The following TGFB3 variants were observed in gnomAD, a reference collection of about 807,000 sequenced individuals.
The protein encoded by TGFB3 is transforming growth factor beta 3.
TGFB3 carries 5 observed loss-of-function variants against 40.1 expected under a neutral mutation model. That is an observed-to-expected ratio of 0.12 (90% CI 0.07 to 0.26). The LOEUF is 0.26. TGFB3 is among the 10% of genes least tolerant of loss of function. The pLI, the probability that TGFB3 is intolerant of heterozygous loss-of-function variation, is 1.00. For missense variants in TGFB3, 373 were observed against 530.1 expected, an observed-to-expected ratio of 0.70 and a Z score of 2.91; for synonymous variants, 184 against 205.6, an observed-to-expected ratio of 0.89 and a Z score of 0.90.
rs769887525 is a variant in TGFB3, at chr14:75,959,180, T to C, written c.*7A>G. On this transcript the variant is annotated 3_prime_UTR_variant, in exon 7 of 7. Transcript: ENST00000238682. ...CTCTCTCCCCTCTCTCTGTCGCACGTGGGGTCTCAGCTACATTTACAAGAC... is the reference window on the plus strand; with the variant it reads ...CTCTCTCCCCTCTCTCTGTCGCACGCGGGGTCTCAGCTACATTTACAAGAC... 5 of 1,614,114 alleles carry C rather than the reference T, an allele frequency of 3.1e-6. 1 individual carries two copies. The South Asian group carries it at 5.5e-5, about 18-fold the overall frequency.
intron 6 of TGFB3, 147 bp downstream of exon 6, chr14:75,960,776 G>T: frequency 9.8e-7 from 1 of 1,025,248 alleles, no homozygotes; most frequent in Non-Finnish European, 1.4e-6. Context: ...GAGTCAGGGT[G>T]CCAAGATCAG....
chr14:75,968,950 G>A (rs1436180968), intron 3 of TGFB3, among the ~76,000 whole-genome samples: 1 of 152,152 alleles, frequency 6.6e-6, no homozygotes, highest in Admixed American at 6.5e-5. Context: ...CTCACTCTTG[G>A]GGAACAATAG....
Position 75,959,475 on chromosome 14 carries a change from A to G in TGFB3, c.1081-130T>C, listed in dbSNP as rs12432338. ...AGAATGGCCACGGGTGCTCTTTAAGAGGAACTGTTGGGGGCCGGGTGCAGT... is the reference window on the plus strand; with the variant it reads ...AGAATGGCCACGGGTGCTCTTTAAGGGGAACTGTTGGGGGCCGGGTGCAGT... On this transcript the variant is annotated intron_variant, in intron 6 of 6. Transcript: ENST00000238682. The G allele has an allele frequency of 9.0e-6, 10 of 1,117,094 alleles. No homozygotes were observed. In the Admixed American group the frequency reaches 1.9e-4, roughly 22 times the overall value. 69.2% of individuals were successfully genotyped at this position (1,117,094 alleles called of 1,614,324 possible).
rs1425140756 is a variant in TGFB3, at chr14:75,971,034, A to G, written c.646+92T>C. ...GCTAGGGTTTGAACCCAGATCTCTG[A>G]CTCCCTTAATTCTGTCCTCTTCCCT... On this transcript the variant is annotated intron_variant, in intron 3 of 6. Coordinates refer to ENST00000238682, the MANE Select transcript of TGFB3 (RefSeq NM_003239.5). The surrounding 1 kb of genome is among the most constrained non-coding windows in gnomAD (Gnocchi z 4.5). 3 of 1,574,832 alleles carry G rather than the reference A, an allele frequency of 1.9e-6. No individual in the cohort carries two copies. The East Asian group carries it at 6.7e-5, about 35-fold the overall frequency.
intron 1 of TGFB3, among the ~76,000 whole-genome samples, chr14:75,972,721 T>C (rs779531247): frequency 2.0e-5 from 3 of 152,112 alleles, no homozygotes; most frequent in Admixed American, 6.5e-5. Flanking sequence ...AGATGATAGA[T>C]TGGGGTCCAC....
chr14:75,959,482 G>C (rs1391783784), intron 6 of TGFB3, 137 bp from the exon 7 acceptor site: 2 of 1,015,222 alleles, frequency 2.0e-6, no homozygotes, highest in African/African-American at 1.6e-5. Flanking sequence ...AAGAGGAACT[G>C]TTGGGGGCCG....
chr14:75,972,488 A>G (rs2035305604), intron 1 of TGFB3, among the ~76,000 whole-genome samples: 1 of 152,190 alleles, frequency 6.6e-6, no homozygotes. Flanking sequence ...AGCGACAGGA[A>G]ACCAGTGGTT....
At chr14:75,968,420 C>A (rs776346025) in intron 3 of TGFB3, among the ~76,000 whole-genome samples, 2 of 152,064 alleles carry the variant, frequency 1.3e-5, no homozygotes, top group African/African-American at 4.8e-5. Context: ...GGGTGGGGGA[C>A]CCATAGGTTT....
chr14:75,972,963 G>A (rs1010725302), intron 1 of TGFB3, among the ~76,000 whole-genome samples: 3 of 152,268 alleles, frequency 2.0e-5, no homozygotes, highest in South Asian at 4.1e-4. Context: ...TATGCCAGAC[G>A]CTGTCACCTG....
chr14:75,959,931 CTTTTTTTTTTTT>C (rs71122509), intron 6 of TGFB3, among the ~76,000 whole-genome samples: 9 of 32,016 alleles, frequency 2.8e-4, no homozygotes, highest in Admixed American at 5.1e-4. Context: ...ATTATCTTGG[CTTTTTTTTTTTT>C]TTTTTTTTTT....
chr14:75,979,483 C>T lies in TGFB3; in HGVS notation c.352+1059G>A, dbSNP rs147467814. On this transcript the variant is annotated intron_variant, in intron 1 of 6. Transcript: ENST00000238682. The surrounding 1 kb of genome is among the most constrained non-coding windows in gnomAD (Gnocchi z 4.8). Reference sequence around the variant, plus strand: ...CAAACAGAGCTGCTCCCGGAGTCTACGGCCCACGAGTGGCTCACATTCCTC... The same window carrying T: ...CAAACAGAGCTGCTCCCGGAGTCTATGGCCCACGAGTGGCTCACATTCCTC... 8.5e-5 allele frequency among the ~76,000 whole-genome samples: 13 copies of T among 152,334 alleles called. No homozygotes were observed. Among genetic ancestry groups the T allele is most frequent in the African/African-American group, 2.4e-4 (10 of 41,578 alleles).
rs1357371635 is a variant in TGFB3 at position 75,971,259 on chromosome 14, C to T, written c.517-4G>A. On this transcript the variant is annotated splice_region_variant and splice_polypyrimidine_tract_variant and intron_variant, in intron 2 of 6. Transcript: ENST00000238682. This position sits in a 1 kb window ranked among gnomAD's most constrained non-coding sequence, Gnocchi z 4.5. ...TGTGCTCATCTGGCCGAAGGATCTA[C>T]AGGGCAGAGAAAGGAGTGAGTACCC... is the stretch of plus-strand genomic sequence containing the variant. The T allele has an allele frequency of 1.9e-6, 3 of 1,614,014 alleles. No individual in the cohort carries two copies. Among genetic ancestry groups the T allele is most frequent in the Admixed American group, 3.3e-5 (2 of 60,006 alleles).
chr14:75,973,985 T>C lies in TGFB3; in HGVS notation c.353-2267A>G, dbSNP rs147947133. ...TGAAACCCTGTCTCTACTAAAAATATGAAAATTAGCCAGGCCTGGTGGTGC... is the reference window on the plus strand; with the variant it reads ...TGAAACCCTGTCTCTACTAAAAATACGAAAATTAGCCAGGCCTGGTGGTGC... On this transcript the variant is annotated intron_variant, in intron 1 of 6. Transcript: ENST00000238682. 5.1e-4 allele frequency among the ~76,000 whole-genome samples: 78 copies of C among 151,848 alleles called. 1 individual carries two copies. Among genetic ancestry groups the C allele is most frequent in the African/African-American group, 1.7e-3 (71 of 41,418 alleles).
At position 75,971,812 on chromosome 14, in the gene TGFB3, G is replaced by T. The variant is rs1004408837; in HGVS notation, c.353-94C>A. 1.4e-6 allele frequency: 2 copies of T among 1,414,378 alleles called. No homozygotes were observed. Among genetic ancestry groups the T allele is most frequent in the Non-Finnish European group, 2.0e-6 (2 of 1,016,822 alleles). 87.6% of individuals were successfully genotyped at this position (1,414,378 alleles called of 1,614,324 possible). A position where few individuals can be genotyped will look rare whatever the true frequency, so the allele number is the denominator to read the frequency against. On this transcript the variant is annotated intron_variant, in intron 1 of 6. Transcript: ENST00000238682. The surrounding 1 kb of genome is among the most constrained non-coding windows in gnomAD (Gnocchi z 4.5). Reference sequence around the variant, plus strand: ...ACAGGCACCAAGTGGCCACCGTCCCGCCTGCCACCTCCCTAGAGGCTTGAG... The same window carrying T: ...ACAGGCACCAAGTGGCCACCGTCCCTCCTGCCACCTCCCTAGAGGCTTGAG...
At chr14:75,965,963 T>TAATC in intron 3 of TGFB3, 1 of 484,362 alleles carries the variant, frequency 2.1e-6, no homozygotes, top group Non-Finnish European at 3.8e-6. Context: ...AGAAGTGGAA[T>TAATC]AATCATTCCC....
In TGFB3 at chr14:75,981,953, C is replaced by G. The variant is rs1272236389; in HGVS notation, c.-1060G>C. Among the ~76,000 whole-genome samples, 1 of 151,738 alleles carries G rather than the reference C, an allele frequency of 6.6e-6. No homozygotes were observed. Among genetic ancestry groups the G allele is most frequent in the Non-Finnish European group, 1.5e-5 (1 of 67,934 alleles). On this transcript the variant is annotated 5_prime_UTR_variant, in exon 1 of 7. Coordinates refer to ENST00000238682, the MANE Select transcript of TGFB3 (RefSeq NM_003239.5). The surrounding 1 kb of genome is among the most constrained non-coding windows in gnomAD (Gnocchi z 4.7). The stretch of plus-strand genomic sequence containing the variant: ...CCCTCTCCCTCTCCCTCTCGCTCCT[C>G]TCCCTCTCTCTCTCACACACACACA...
rs150817760 is a variant in TGFB3 at position 75,980,665 on chromosome 14, G to A, written c.229C>T (p.Arg77Trp). The part of the protein sequence containing the change: ...YQVLALYNST[R>W]ELLEEMHGER... The stretch of plus-strand genomic sequence containing the variant: ...CCATGCATCTCCTCCAGCAGCTCCC[G>A]GGTGCTGTTGTAAAGGGCCAGGACC... The change falls in exon 1 of 7, where the codon CGG (arginine) becomes TGG (tryptophan). Residue 77 changes from arginine to tryptophan, a missense_variant. Transcript: ENST00000238682. This position sits in a 1 kb window ranked among gnomAD's most constrained non-coding sequence, Gnocchi z 4.3. The A allele has an allele frequency of 1.9e-6, 3 of 1,614,052 alleles. No individual in the cohort carries two copies. Among genetic ancestry groups the A allele is most frequent in the Admixed American group, 1.7e-5 (1 of 59,994 alleles).
At chr14:75,963,242 G>A in intron 5 of TGFB3, 74 bp downstream of exon 5, 1 of 1,575,008 alleles carries the variant, frequency 6.3e-7, no homozygotes, top group Non-Finnish European at 8.7e-7. Context: ...GTGTGGCTTG[G>A]CTCTGGGGCC....
Position 75,971,129 on chromosome 14 carries a change from T to C in TGFB3, c.643A>G (p.Arg215Gly). 6.2e-7 allele frequency: 1 copy of C among 1,614,012 alleles called. No homozygotes were observed. Among genetic ancestry groups the C allele is most frequent in the Middle Eastern group, 1.6e-4 (1 of 6,062 alleles). Residue 215 changes from arginine to glycine, a missense_variant, in exon 3 of 7, where the codon AGA becomes GGA. Arg to Gly is a moderately radical substitution (Grantham distance 125, BLOSUM62 -2). Coordinates refer to ENST00000238682, the MANE Select transcript of TGFB3 (RefSeq NM_003239.5). The surrounding 1 kb of genome is among the most constrained non-coding windows in gnomAD (Gnocchi z 4.5). ...TDTVREWLLRRESNLGLEISI... is the reference protein window; with the variant it reads ...TDTVREWLLRGESNLGLEISI... The stretch of plus-strand genomic sequence containing the variant: ...CTTATCTGAAGGGTCCACCTACCTC[T>C]TCTCAACAGCCACTCACGCACAGTG...
Sources: gnomAD v4.1 joint callset for allele counts (sites outside exome capture counted in the v4.1 genomes callset) on GRCh38, gnomAD v4.1.1 for gene constraint, Gnocchi (gnomAD v3.1) non-coding constraint, MANE v1.5 for transcripts, NCBI Gene and HGNC (gene_info 2026-07-23, HGNC 2026-07-21) for gene names.